The following SPATS1 variants were observed in gnomAD, a reference collection of about 807,000 sequenced individuals.
SPATS1 encodes the protein spermatogenesis-associated serine-rich protein 1.
In SPATS1, 23 loss-of-function variants were observed where a neutral mutation model predicts 33.6. That is an observed-to-expected ratio of 0.68 (90% CI 0.49 to 0.97). SPATS1 has a LOEUF of 0.97. SPATS1 is among the 50% of genes least tolerant of loss of function. SPATS1 has a pLI of 0.00. For missense variants in SPATS1, 327 were observed against 361.0 expected (o/e 0.91, Z 0.76); for synonymous variants, 131 against 125.6 (o/e 1.04, Z -0.29).
At chr6:44,363,931 A>G (rs1026204410) in intron 5 of SPATS1, among the ~76,000 whole-genome samples, 3 of 152,208 alleles carry the variant, frequency 2.0e-5, no homozygotes, top group Non-Finnish European at 2.9e-5. Context: ...TCTTCCCCGA[A>G]TATTCCATCT....
chr6:44,380,104 A>T lies in SPATS1; in HGVS notation c.*3041A>T, dbSNP rs903160129. Among the ~76,000 whole-genome samples the T allele has an allele frequency of 1.3e-5, 2 of 152,216 alleles. No individual in the cohort carries two copies. Among genetic ancestry groups the T allele is most frequent in the African/African-American group, 4.8e-5 (2 of 41,452 alleles). On this transcript the variant is annotated 3_prime_UTR_variant, in exon 9 of 9. Coordinates refer to ENST00000674044, the MANE Select transcript of SPATS1 (RefSeq NM_001372081.1). ...CTTTTGCTTCTTTCCAGCTAGAAAGAGGTTGAACCTGTTAGATGTAAAGAT... is the reference window on the plus strand; with the variant it reads ...CTTTTGCTTCTTTCCAGCTAGAAAGTGGTTGAACCTGTTAGATGTAAAGAT...
chr6:44,346,819 A>G (rs1250317464), intron 2 of SPATS1, among the ~76,000 whole-genome samples: 1 of 152,198 alleles, frequency 6.6e-6, no homozygotes, highest in Non-Finnish European at 1.5e-5. Context: ...CAGTGTGGCA[A>G]TTCCTCAAGG....
chr6:44,360,625 CTGCCATACTGTT>C, intron 4 of SPATS1, 55 bp downstream of exon 4: 1 of 1,600,176 alleles, frequency 6.2e-7, no homozygotes, highest in East Asian at 2.2e-5. Flanking sequence ...TTTCAGAAGT[CTGCCATACTGTT>C]GGCCACCCTC....
rs77813763 is a variant in SPATS1 at position 44,375,415 on chromosome 6, C to T, written c.759-943C>T. Among the ~76,000 whole-genome samples the T allele has an allele frequency of 1.1e-3, 165 of 152,268 alleles. 2 individuals are homozygous for T. The East Asian group carries it at 0.024, about 23-fold the overall frequency. Reference sequence around the variant, plus strand: ...TGTGGCACTGCCAGAATTGGGGTGCCTTGGGAGATAGGACATCAGGGGAGG... The same window carrying T: ...TGTGGCACTGCCAGAATTGGGGTGCTTTGGGAGATAGGACATCAGGGGAGG... On this transcript the variant is annotated intron_variant, in intron 7 of 8. Transcript: ENST00000674044.
At chr6:44,365,405 G>A (rs554245318) in intron 5 of SPATS1, among the ~76,000 whole-genome samples, 6 of 152,150 alleles carry the variant, frequency 3.9e-5, no homozygotes, top group Admixed American at 1.3e-4. Flanking sequence ...AGATTCTGCC[G>A]CAGTAACAGT....
chr6:44,370,460 C>G (rs923477925), intron 7 of SPATS1, among the ~76,000 whole-genome samples: 1 of 152,158 alleles, frequency 6.6e-6, no homozygotes, highest in Non-Finnish European at 1.5e-5. Context: ...ATGATTGCAA[C>G]TGGCGAGAAT....
At chr6:44,355,104 C>T (rs565645723) in intron 3 of SPATS1, among the ~76,000 whole-genome samples, 1 of 152,316 alleles carries the variant, frequency 6.6e-6, no homozygotes, top group South Asian at 2.1e-4. Context: ...TGAGCCACTG[C>T]TCCCAGCACA....
At chr6:44,361,294 G>A in intron 4 of SPATS1, 1 of 981,590 alleles carries the variant, frequency 1.0e-6, no homozygotes, top group Middle Eastern at 5.2e-4. Context: ...GCAAGGTCCA[G>A]AAACTAGCCT....
chr6:44,350,780 G>A (rs1011105335), intron 2 of SPATS1, among the ~76,000 whole-genome samples: 3 of 152,272 alleles, frequency 2.0e-5, no homozygotes, highest in Middle Eastern at 3.4e-3. Context: ...TCATATCAAC[G>A]GGTTCTGCAT....
intron 4 of SPATS1, among the ~76,000 whole-genome samples, 168 bp from the exon 5 acceptor site, chr6:44,361,663 A>G (rs895961172): frequency 5.3e-5 from 8 of 152,158 alleles, no homozygotes; most frequent in Non-Finnish European, 8.8e-5. Flanking sequence ...TTTTGTGTCT[A>G]GTCCCACAGA....
intron 5 of SPATS1, among the ~76,000 whole-genome samples, chr6:44,366,647 C>T (rs1455639217): frequency 3.3e-5 from 5 of 152,102 alleles, no homozygotes; most frequent in Admixed American, 3.3e-4. Context: ...TGTAGTGTTA[C>T]CTTCGTCTTT....
At chr6:44,365,500 G>T (rs1313332992) in intron 5 of SPATS1, among the ~76,000 whole-genome samples, 1 of 152,218 alleles carries the variant, frequency 6.6e-6, no homozygotes, top group African/African-American at 2.4e-5. Flanking sequence ...CTCCAGGACA[G>T]CTCCTTTCCA....
intron 8 of SPATS1, 85 bp from the exon 9 acceptor site, chr6:44,376,948 GCC>G (rs1790000747): frequency 5.3e-6 from 8 of 1,506,238 alleles, no homozygotes; most frequent in African/African-American, 1.4e-5. Context: ...AGATGTCATA[GCC>G]AAGCATTGGG....
At chr6:44,374,697 CT>C (rs1354747834) in intron 7 of SPATS1, among the ~76,000 whole-genome samples, 1 of 152,192 alleles carries the variant, frequency 6.6e-6, no homozygotes, top group Non-Finnish European at 1.5e-5. Context: ...TAGTGTGAGT[CT>C]TTCAGTGTTT....
At chr6:44,370,134 TTG>T in intron 7 of SPATS1, 21 bp downstream of exon 7, 1 of 1,592,064 alleles carries the variant, frequency 6.3e-7, no homozygotes. Context: ...TTGTCATGTT[TTG>T]TGTTATCCCA....
Position 44,370,024 on chromosome 6 carries a change from T to A in SPATS1, c.696-27T>A, listed in dbSNP as rs777278324. 19 of 1,587,436 alleles carry A rather than the reference T, an allele frequency of 1.2e-5. No homozygotes were observed. In the Admixed American group the frequency reaches 3.0e-4, roughly 25 times the overall value. On this transcript the variant is annotated intron_variant, in intron 6 of 8. Coordinates refer to ENST00000674044, the MANE Select transcript of SPATS1 (RefSeq NM_001372081.1). ...TCTTTGCTGTAGATGGCATACCAGTTTTATGATTGCCTTTTCTGTTTTTCA... is the reference window on the plus strand; with the variant it reads ...TCTTTGCTGTAGATGGCATACCAGTATTATGATTGCCTTTTCTGTTTTTCA...
intron 7 of SPATS1, 92 bp downstream of exon 7, chr6:44,370,205 C>A: frequency 1.7e-6 from 2 of 1,172,278 alleles, no homozygotes; most frequent in Non-Finnish European, 2.5e-6. Flanking sequence ...GGTAGATAAC[C>A]AGGACACAGG....
intron 5 of SPATS1, among the ~76,000 whole-genome samples, chr6:44,363,981 T>G (rs2153368314): frequency 6.6e-6 from 1 of 152,332 alleles, no homozygotes; most frequent in Non-Finnish European, 1.5e-5. Flanking sequence ...ATTTCATATT[T>G]TTTTAAAGAA....
In SPATS1 at chr6:44,376,460, G is replaced by A; in HGVS notation, c.861G>A (p.Met287Ile). The change falls in exon 8 of 9, where the codon ATG becomes ATA. Residue 287 changes from methionine to isoleucine, a missense_variant. Met to Ile is a conservative substitution (Grantham distance 10). Transcript: ENST00000674044. ...NWQPAVPLMH[M>I]LHLSGALDFP... is the part of the protein sequence containing the mutation. ...AGCCAGCAGTGCCCTTAATGCACAT[G>A]CTACACCTTTCTGGTGGGTTAAAGA... 5 of 1,607,842 alleles carry A rather than the reference G, an allele frequency of 3.1e-6. No individual in the cohort carries two copies. The highest frequency in any genetic ancestry group is 4.2e-6 in the Non-Finnish European group (5 of 1,176,894).
Sources: allele counts gnomAD v4.1 joint callset (sites outside exome capture counted in the v4.1 genomes callset), GRCh38; gene constraint gnomAD v4.1.1; transcripts MANE v1.5; gene names NCBI Gene and HGNC (gene_info 2026-07-23, HGNC 2026-07-21).